The following ADCY2 variants were observed in gnomAD, a reference collection of about 807,000 sequenced individuals.
ADCY2 encodes adenylate cyclase type 2.
In ADCY2, 31 loss-of-function variants were observed where a neutral mutation model predicts 125.2. The observed-to-expected ratio is 0.25, with a 90% CI of 0.19 to 0.33. The LOEUF (loss-of-function observed/expected upper bound fraction) is 0.33, where lower values mean the gene tolerates loss of function less well. ADCY2 is among the 10% of genes least tolerant of loss of function. The probability of loss-of-function intolerance (pLI) is 1.00; values close to 1 mark genes in which losing one functional copy is unlikely to be tolerated. For synonymous variants in ADCY2, 512 were observed against 548.4 expected (o/e 0.93, Z 0.93); for missense variants, 904 against 1,418.2 (o/e 0.64, Z 5.82).
chr5:7,646,341 A>G (rs917501166), intron 4 of ADCY2, among the ~76,000 whole-genome samples: 1 of 150,534 alleles, frequency 6.6e-6, no homozygotes, highest in African/African-American at 2.4e-5. Context: ...ATATATATAT[A>G]TATAGTACAA....
At chr5:7,510,908 G>A (rs1354053215) in intron 2 of ADCY2, among the ~76,000 whole-genome samples, 1 of 152,194 alleles carries the variant, frequency 6.6e-6, no homozygotes, top group African/African-American at 2.4e-5. Context: ...AAGATGAGCA[G>A]GGATAAAATG....
intron 3 of ADCY2, among the ~76,000 whole-genome samples, chr5:7,558,501 T>G (rs1193282915): frequency 6.6e-6 from 1 of 152,234 alleles, no homozygotes; most frequent in Non-Finnish European, 1.5e-5. Context: ...AAAGGGTATG[T>G]TCATGTCCTT....
chr5:7,554,240 A>G (rs139083357), intron 3 of ADCY2, among the ~76,000 whole-genome samples: 2 of 152,346 alleles, frequency 1.3e-5, no homozygotes, highest in Non-Finnish European at 2.9e-5. Context: ...TTTTCTTTCA[A>G]ACGAAAAGTA....
At chr5:7,416,372 G>A (rs1739945694) in intron 2 of ADCY2, among the ~76,000 whole-genome samples, 1 of 152,132 alleles carries the variant, frequency 6.6e-6, no homozygotes, top group Admixed American at 6.5e-5. Flanking sequence ...GGAGGGCTGG[G>A]CGCGGCCCCC....
intron 3 of ADCY2, among the ~76,000 whole-genome samples, chr5:7,522,891 A>C (rs1254002166): frequency 6.6e-6 from 1 of 151,258 alleles, no homozygotes; most frequent in Non-Finnish European, 1.5e-5. Flanking sequence ...GCGCCACTGC[A>C]CTCCAGCCTG....
At chr5:7,531,024 C>T (rs374864097) in intron 3 of ADCY2, among the ~76,000 whole-genome samples, 7 of 152,132 alleles carry the variant, frequency 4.6e-5, no homozygotes, top group Admixed American at 6.5e-5. Context: ...TGGAAGCCTA[C>T]GCTACACTGA....
intron 20 of ADCY2, chr5:7,794,549 C>T (rs2126511610): frequency 6.6e-6 from 1 of 152,000 alleles, no homozygotes; most frequent in East Asian, 2.0e-4. Flanking sequence ...CAACCCCCTG[C>T]CAAAAGTTCT....
In ADCY2 at chr5:7,396,630, G is replaced by GCCCCTCGGCCCGCGGCTC. The variant is rs1739055075; in HGVS notation, c.210+127_210+144dup. ...CGCGGCAGCCCCTCGGCCCGCGGCA[G>GCCCCTCGGCCCGCGGCTC]CCCCTCGGCCCGCGGCTCCCTGCTT... On this transcript the variant is annotated intron_variant, in intron 1 of 24. Transcript: ENST00000338316. This position sits in a 1 kb window ranked among gnomAD's most constrained non-coding sequence, Gnocchi z 5.7. 2.1e-6 allele frequency: 1 copy of GCCCCTCGGCCCGCGGCTC among 471,110 alleles called. No individual in the cohort carries two copies. The highest frequency in any genetic ancestry group is 2.1e-5 in the African/African-American group (1 of 48,354). The allele number at this position is 471,110 out of a possible 1,614,324, so 29.2% of individuals were successfully genotyped here.
At chr5:7,648,968 T>C (rs1307540580) in intron 4 of ADCY2, among the ~76,000 whole-genome samples, 2 of 152,220 alleles carry the variant, frequency 1.3e-5, no homozygotes, top group South Asian at 2.1e-4. Context: ...CTGTGATACA[T>C]CAGTTCTTCG....
intron 4 of ADCY2, among the ~76,000 whole-genome samples, chr5:7,630,533 G>C (rs1030777435): frequency 4.6e-5 from 7 of 152,070 alleles, no homozygotes; most frequent in Non-Finnish European, 1.0e-4. Context: ...AAATTTGATG[G>C]CTTAAAACAG....
chr5:7,454,187 A>T (rs1011354867), intron 2 of ADCY2, among the ~76,000 whole-genome samples: 1 of 152,172 alleles, frequency 6.6e-6, no homozygotes. Flanking sequence ...GTCAACACTG[A>T]GGCAAGACCT....
rs570643935 is a variant in ADCY2, at chr5:7,396,773, G to A, written c.210+267G>A. Among the ~76,000 whole-genome samples the A allele has an allele frequency of 5.9e-5, 9 of 152,266 alleles. No homozygotes were observed. The highest frequency in any genetic ancestry group is 2.2e-4 in the African/African-American group (9 of 41,586). The stretch of plus-strand genomic sequence containing the variant: ...AGGTGTTCACCAGGTGGACGGGCAG[G>A]GCGTGTGCTTTTTGCATCTTTGCGC... On this transcript the variant is annotated intron_variant, in intron 1 of 24. Transcript: ENST00000338316. This position sits in a 1 kb window ranked among gnomAD's most constrained non-coding sequence, Gnocchi z 5.7.
At chr5:7,706,466 A>G (rs1042209083) in intron 7 of ADCY2, among the ~76,000 whole-genome samples, 3 of 152,222 alleles carry the variant, frequency 2.0e-5, no homozygotes, top group Non-Finnish European at 4.4e-5. Context: ...TGCTTGATAC[A>G]TATTCATTGC....
intron 3 of ADCY2, among the ~76,000 whole-genome samples, chr5:7,607,061 T>A (rs1737401762): frequency 6.6e-6 from 1 of 152,184 alleles, no homozygotes. Context: ...CTGTTCTGCC[T>A]TCGCTTCCCT....
chr5:7,623,202 C>T (rs936356713), intron 3 of ADCY2, among the ~76,000 whole-genome samples: 1 of 152,158 alleles, frequency 6.6e-6, no homozygotes, highest in African/African-American at 2.4e-5. Flanking sequence ...GAAATGTACT[C>T]CCTAAAATGT....
In ADCY2 at chr5:7,720,434, C is replaced by T. The variant is rs538228127; in HGVS notation, c.1703+3197C>T. Among the ~76,000 whole-genome samples the T allele has an allele frequency of 8.5e-5, 13 of 152,220 alleles. No individual in the cohort carries two copies. In the South Asian group the frequency reaches 2.3e-3, roughly 27 times the overall value. On this transcript the variant is annotated intron_variant, in intron 12 of 24. Transcript: ENST00000338316. ...TTATTAAACTTGAAGTTCTAGGGTA[C>T]ATGTGCACAACGTGCAGGTTTGTTA...
At chr5:7,543,658 A>T (rs983627400) in intron 3 of ADCY2, among the ~76,000 whole-genome samples, 1 of 152,090 alleles carries the variant, frequency 6.6e-6, no homozygotes, top group African/African-American at 2.4e-5. Context: ...ATCATCTTAG[A>T]TCTCTCTTCC....
Position 7,510,828 on chromosome 5 carries a change from G to T in ADCY2, c.409-9910G>T, listed in dbSNP as rs58282162. Among the ~76,000 whole-genome samples the T allele has an allele frequency of 7.4e-3, 1,125 of 152,336 alleles. 19 individuals are homozygous for T. Among genetic ancestry groups the T allele is most frequent in the African/African-American group, 0.025 (1,046 of 41,576 alleles). ...AGGTGGTTTTACTTACTTACAGTGT[G>T]TGTGTGTCTTTTAGTGAAGAACACG... is the stretch of plus-strand genomic sequence containing the variant. On this transcript the variant is annotated intron_variant, in intron 2 of 24. Coordinates refer to ENST00000338316, the MANE Select transcript of ADCY2 (RefSeq NM_020546.3).
intron 5 of ADCY2, among the ~76,000 whole-genome samples, chr5:7,695,004 A>G (rs994112971): frequency 1.2e-4 from 18 of 152,354 alleles, no homozygotes; most frequent in African/African-American, 3.8e-4. Flanking sequence ...GGACATCTTA[A>G]GGCATACATA....
Sources: gnomAD v4.1 joint callset for allele counts (sites outside exome capture counted in the v4.1 genomes callset) on GRCh38, gnomAD v4.1.1 for gene constraint, Gnocchi (gnomAD v3.1) non-coding constraint, MANE v1.5 for transcripts, NCBI Gene and HGNC (gene_info 2026-07-23, HGNC 2026-07-21) for gene names.